CNTN5: variants seen among roughly 807,000 people sequenced by gnomAD.
CNTN5 encodes the protein contactin-5.
A neutral mutation model predicts 129.1 loss-of-function variants in CNTN5; 77 were observed. The ratio of observed to expected loss-of-function variants is 0.60; its 90% CI spans 0.50 to 0.72. The LOEUF (loss-of-function observed/expected upper bound fraction) is 0.72. CNTN5 is among the 30% of genes least tolerant of loss of function. CNTN5 has a pLI of 0.00. For synonymous variants in CNTN5, 509 were observed against 465.6 expected, an observed-to-expected ratio of 1.09 and a Z score of -1.20; for missense variants, 1,478 against 1,328.8, an observed-to-expected ratio of 1.11 and a Z score of -1.75.
At chr11:99,581,766 A>G (rs1457644412) in intron 3 of CNTN5, among the ~76,000 whole-genome samples, 1 of 146,446 alleles carries the variant, frequency 6.8e-6, no homozygotes, top group African/African-American at 2.5e-5. Flanking sequence ...AGCACACTGT[A>G]TTTTCTTTAT....
At chr11:99,264,754 A>C (rs1377866393) in intron 1 of CNTN5, among the ~76,000 whole-genome samples, 1 of 152,074 alleles carries the variant, frequency 6.6e-6, no homozygotes, top group Non-Finnish European at 1.5e-5. Flanking sequence ...CTAAGAAGTT[A>C]TTTTTGTGTG....
intron 9 of CNTN5, among the ~76,000 whole-genome samples, chr11:100,011,861 C>T (rs921700229): frequency 6.6e-6 from 1 of 152,012 alleles, no homozygotes; most frequent in Non-Finnish European, 1.5e-5. Context: ...CTCTTGTGTC[C>T]CATTGTAACT....
chr11:99,617,362 G>T (rs535973858), intron 3 of CNTN5, among the ~76,000 whole-genome samples: 1 of 152,126 alleles, frequency 6.6e-6, no homozygotes, highest in Non-Finnish European at 1.5e-5. Flanking sequence ...TTCTAAGAAG[G>T]ATAATAGTAC....
chr11:100,230,338 C>G (rs973097477), intron 16 of CNTN5, among the ~76,000 whole-genome samples: 1 of 152,128 alleles, frequency 6.6e-6, no homozygotes, highest in African/African-American at 2.4e-5. Context: ...ACTTTTCTAT[C>G]TTAGACTTTC....
Position 99,338,932 on chromosome 11 carries a change from A to ATATATG in CNTN5, c.-71+13453_-71+13454insGTATAT, listed in dbSNP as rs201020067. Among the ~76,000 whole-genome samples, 408 of 142,952 alleles carry ATATATG rather than the reference A, an allele frequency of 2.9e-3. 2 individuals are homozygous for ATATATG. Among genetic ancestry groups the ATATATG allele is most frequent in the Admixed American group, 5.1e-3 (72 of 14,072 alleles). The allele number at this position is 142,952 out of a possible 152,430, so 93.8% of individuals were successfully genotyped here. On this transcript the variant is annotated intron_variant, in intron 2 of 24. Transcript: ENST00000524871. ...TGTTCATTCACAGATATATATATAT[A>ATATATG]TATATATATATATATCTGTGATATA... is the stretch of plus-strand genomic sequence containing the variant.
rs536445547 is a variant in CNTN5, at chr11:99,999,365, T to A, written c.878-2669T>A. Among the ~76,000 whole-genome samples the A allele has an allele frequency of 7.9e-5, 12 of 152,298 alleles. No homozygotes were observed. In the East Asian group the frequency reaches 2.3e-3, roughly 29 times the overall value. ...GGCGAAGGACATGAACAGACACTTC[T>A]CAAAAGAAGACATTTATGCAGCCAA... On this transcript the variant is annotated intron_variant, in intron 8 of 24. Coordinates refer to ENST00000524871, the MANE Select transcript of CNTN5 (RefSeq NM_014361.4).
chr11:100,175,290 G>A (rs1304818689), intron 13 of CNTN5, among the ~76,000 whole-genome samples: 2 of 152,014 alleles, frequency 1.3e-5, no homozygotes, highest in Non-Finnish European at 2.9e-5. Context: ...TCCTTTTCCT[G>A]TATTAAATGA....
intron 1 of CNTN5, among the ~76,000 whole-genome samples, chr11:99,047,063 T>G (rs1864240616): frequency 6.6e-6 from 1 of 151,970 alleles, no homozygotes; most frequent in African/African-American, 2.4e-5. Flanking sequence ...CCATCTATCT[T>G]TTTAACATGT....
At chr11:99,680,343 T>A (rs985625971) in intron 3 of CNTN5, among the ~76,000 whole-genome samples, 3 of 152,142 alleles carry the variant, frequency 2.0e-5, no homozygotes, top group Non-Finnish European at 4.4e-5. Flanking sequence ...TATTGTTAAG[T>A]TGTAATGCAC....
chr11:99,730,980 T>C (rs1227189160), intron 3 of CNTN5, among the ~76,000 whole-genome samples: 2 of 152,186 alleles, frequency 1.3e-5, no homozygotes, highest in Non-Finnish European at 2.9e-5. Context: ...GTAACTATAG[T>C]TGTACTCTCT....
intron 23 of CNTN5, among the ~76,000 whole-genome samples, 161 bp downstream of exon 23, chr11:100,341,366 A>G (rs1952158525): frequency 6.6e-6 from 1 of 152,206 alleles, no homozygotes; most frequent in African/African-American, 2.4e-5. Flanking sequence ...TAGATAGAGA[A>G]GCCAAGGCAG....
intron 3 of CNTN5, among the ~76,000 whole-genome samples, chr11:99,758,589 T>G (rs1276732381): frequency 2.0e-5 from 3 of 152,044 alleles, no homozygotes; most frequent in Admixed American, 6.6e-5. Context: ...TAGAATGTGA[T>G]AAATTTAATT....
chr11:100,297,375 A>T (rs1357217651), intron 18 of CNTN5, among the ~76,000 whole-genome samples: 1 of 151,490 alleles, frequency 6.6e-6, no homozygotes, highest in Non-Finnish European at 1.5e-5. Context: ...TATAGTGTTA[A>T]TTATTATTTA....
chr11:99,258,167 T>C (rs911309984), intron 1 of CNTN5, among the ~76,000 whole-genome samples: 1 of 152,040 alleles, frequency 6.6e-6, no homozygotes, highest in Non-Finnish European at 1.5e-5. Flanking sequence ...ACTCCTATTT[T>C]TGGTTTGGGG....
chr11:99,224,920 G>T (rs1860599899), intron 1 of CNTN5, among the ~76,000 whole-genome samples: 1 of 151,974 alleles, frequency 6.6e-6, no homozygotes, highest in South Asian at 2.1e-4. Flanking sequence ...TCAGCAACAG[G>T]AATGACTTTA....
In CNTN5 at chr11:100,110,557, A is replaced by T. The variant is rs1303379320; in HGVS notation, c.1580+36263A>T. Among the ~76,000 whole-genome samples the T allele has an allele frequency of 2.0e-5, 3 of 152,226 alleles. No individual in the cohort carries two copies. The East Asian group carries it at 5.8e-4, about 29-fold the overall frequency. ...ATAAAATGCGCTAGAAGAGAAAAAAACACAGAACAATCTATTTATAAACCA... is the reference window on the plus strand; with the variant it reads ...ATAAAATGCGCTAGAAGAGAAAAAATCACAGAACAATCTATTTATAAACCA... On this transcript the variant is annotated intron_variant, in intron 13 of 24. Transcript: ENST00000524871.
chr11:100,012,959 C>T (rs1255079917), intron 9 of CNTN5, among the ~76,000 whole-genome samples: 1 of 152,064 alleles, frequency 6.6e-6, no homozygotes, highest in Admixed American at 6.6e-5. Context: ...GTAAGATCAG[C>T]AACTATCTGG....
intron 6 of CNTN5, among the ~76,000 whole-genome samples, chr11:99,883,378 G>C (rs142389374): frequency 6.6e-6 from 1 of 152,186 alleles, no homozygotes; most frequent in South Asian, 2.1e-4. Context: ...GCCGGCATTC[G>C]TTATCTCCTG....
At chr11:100,091,505 T>C (rs1363141799) in intron 13 of CNTN5, among the ~76,000 whole-genome samples, 1 of 147,602 alleles carries the variant, frequency 6.8e-6, no homozygotes, top group Non-Finnish European at 1.5e-5. Context: ...CTCGGCTCAC[T>C]GCAAACTCCG....
Sources: gnomAD v4.1 joint callset for allele counts (sites outside exome capture counted in the v4.1 genomes callset) on GRCh38, gnomAD v4.1.1 for gene constraint, MANE v1.5 for transcripts, NCBI Gene and HGNC (gene_info 2026-07-23, HGNC 2026-07-21) for gene names.